The following ZDHHC2 variants were observed in gnomAD, a reference collection of about 807,000 sequenced individuals.
ZDHHC2 encodes zDHHC palmitoyltransferase 2, also known as palmitoyltransferase ZDHHC2.
Under a neutral mutation model 55.6 loss-of-function variants are expected in ZDHHC2, and 51 were observed. That is an observed-to-expected ratio of 0.92 (90% CI 0.73 to 1.16). ZDHHC2 has a LOEUF of 1.16. Ranked by LOEUF, ZDHHC2 falls within the 50% of genes most tolerant of loss-of-function variation. The pLI is 0.00. For synonymous variants in ZDHHC2, 199 were observed against 152.9 expected (o/e 1.30, Z -2.22); for missense variants, 491 against 442.4 (o/e 1.11, Z -0.99).
chr8:17,208,233 T>G, intron 8 of ZDHHC2, 141 bp downstream of exon 8: 1 of 794,794 alleles, frequency 1.3e-6, no homozygotes, highest in South Asian at 2.6e-5. Flanking sequence ...TTTTTTGATA[T>G]GTCGCTTAGA....
At chr8:17,171,176 G>A (rs1043689569) in intron 1 of ZDHHC2, among the ~76,000 whole-genome samples, 1 of 152,158 alleles carries the variant, frequency 6.6e-6, no homozygotes, top group Non-Finnish European at 1.5e-5. Context: ...AGTGGTTGTA[G>A]GAACTTGGAG....
intron 10 of ZDHHC2, among the ~76,000 whole-genome samples, chr8:17,212,775 C>G (rs574632636): frequency 6.6e-6 from 1 of 152,222 alleles, no homozygotes; most frequent in South Asian, 2.1e-4. Flanking sequence ...CTTAACAAGA[C>G]TGATCTGACC....
chr8:17,209,666 A>G (rs997152962), intron 8 of ZDHHC2, among the ~76,000 whole-genome samples: 1 of 152,142 alleles, frequency 6.6e-6, no homozygotes, highest in Non-Finnish European at 1.5e-5. Flanking sequence ...TTTATTTGCT[A>G]GTTTGTATTT....
intron 10 of ZDHHC2, among the ~76,000 whole-genome samples, chr8:17,214,178 G>C (rs1261982437): frequency 6.6e-6 from 1 of 152,186 alleles, no homozygotes; most frequent in East Asian, 1.9e-4. Context: ...TGTTTCCTAA[G>C]TGAAATATTT....
In ZDHHC2 at chr8:17,208,997, G is replaced by T. The variant is rs1282048008; in HGVS notation, c.730+905G>T. Among the ~76,000 whole-genome samples the T allele has an allele frequency of 3.3e-5, 5 of 152,186 alleles. No homozygotes were observed. The East Asian group carries it at 9.7e-4, about 29-fold the overall frequency. On this transcript the variant is annotated intron_variant, in intron 8 of 12. Transcript: ENST00000262096. ...TCATAGTGCCTAACTCTGCTGGTTA[G>T]ATTTTTCTTTTTAATGGAGAAAAAT... is the stretch of plus-strand genomic sequence containing the variant.
intron 3 of ZDHHC2, 67 bp from the exon 4 acceptor site, chr8:17,195,436 TG>T: frequency 6.6e-7 from 1 of 1,505,646 alleles, no homozygotes; most frequent in Non-Finnish European, 9.0e-7. Flanking sequence ...TTTCCGGGTA[TG>T]GTAGAGAAGA....
chr8:17,184,656 G>A, intron 1 of ZDHHC2, 133 bp from the exon 2 acceptor site: 2 of 758,624 alleles, frequency 2.6e-6, no homozygotes, highest in Non-Finnish European at 2.1e-6. Context: ...TCCAAATAAA[G>A]TTGAATAAAT....
At chr8:17,182,365 T>C (rs1805472265) in intron 1 of ZDHHC2, among the ~76,000 whole-genome samples, 1 of 152,148 alleles carries the variant, frequency 6.6e-6, no homozygotes, top group Admixed American at 6.5e-5. Flanking sequence ...AATGCCAAAC[T>C]GCACTAATAA....
chr8:17,174,404 T>C (rs1805022759), intron 1 of ZDHHC2, among the ~76,000 whole-genome samples: 2 of 152,226 alleles, frequency 1.3e-5, no homozygotes, highest in South Asian at 4.1e-4. Context: ...TGGAATGCGA[T>C]GAACACCTGA....
At position 17,156,689 on chromosome 8, in the gene ZDHHC2, G is replaced by A; in HGVS notation, c.-35G>A. On this transcript the variant is annotated 5_prime_UTR_variant, in exon 1 of 13. Transcript: ENST00000262096. ...CCGCCCCGGAGCCAGGCCCGCGGGC[G>A]GCGGCGGAGCTGGGCAGGTGGATGC... The A allele has an allele frequency of 6.2e-6, 8 of 1,292,508 alleles. No homozygotes were observed. Among genetic ancestry groups the A allele is most frequent in the Non-Finnish European group, 7.8e-6 (8 of 1,019,572 alleles). 80.1% of individuals were successfully genotyped at this position (1,292,508 alleles called of 1,614,324 possible). A position where few individuals can be genotyped will look rare whatever the true frequency, so the allele number is the denominator to read the frequency against.
Position 17,156,539 on chromosome 8 carries a change from G to T in ZDHHC2, c.-185G>T. 4.0e-6 allele frequency: 1 copy of T among 252,664 alleles called. No homozygotes were observed. The highest frequency in any genetic ancestry group is 6.3e-6 in the Non-Finnish European group (1 of 159,326). 15.7% of individuals were successfully genotyped at this position (252,664 alleles called of 1,614,324 possible). A position where few individuals can be genotyped will look rare whatever the true frequency, so the allele number is the denominator to read the frequency against. On this transcript the variant is annotated 5_prime_UTR_variant, in exon 1 of 13. Coordinates refer to ENST00000262096, the MANE Select transcript of ZDHHC2 (RefSeq NM_016353.5). ...CCGCCTCCGCCGGGCTGAGGAGCCGGGAGTCCGCCGCGCCGGCTCGGGGCT... is the reference window on the plus strand; with the variant it reads ...CCGCCTCCGCCGGGCTGAGGAGCCGTGAGTCCGCCGCGCCGGCTCGGGGCT...
rs1328159243 is a variant in ZDHHC2 at position 17,223,619 on chromosome 8, A to C, written c.*3398A>C. On this transcript the variant is annotated 3_prime_UTR_variant, in exon 13 of 13. Transcript: ENST00000262096. ...ACAAAGATACCATTAGAATTTTCTCACTGTCTTGGTAAAAATTCCTAGATT... is the reference window on the plus strand; with the variant it reads ...ACAAAGATACCATTAGAATTTTCTCCCTGTCTTGGTAAAAATTCCTAGATT... 6.6e-6 allele frequency: 1 copy of C among 151,532 alleles called. No individual in the cohort carries two copies. Among genetic ancestry groups the C allele is most frequent in the Non-Finnish European group, 1.5e-5 (1 of 67,724 alleles). 9.4% of individuals were successfully genotyped at this position (151,532 alleles called of 1,614,324 possible). A position where few individuals can be genotyped will look rare whatever the true frequency, so the allele number is the denominator to read the frequency against.
intron 12 of ZDHHC2, among the ~76,000 whole-genome samples, chr8:17,219,252 TAAAAAAAAAAAAAAA>T (rs71212684): frequency 2.0e-5 from 1 of 49,550 alleles, no homozygotes; most frequent in Non-Finnish European, 3.3e-5. Context: ...AGCAAGACTC[TAAAAAAAAAAAAAAA>T]AAAAAAAAAA....
intron 1 of ZDHHC2, among the ~76,000 whole-genome samples, chr8:17,184,467 T>G (rs150753055): frequency 2.5e-3 from 387 of 152,302 alleles, no homozygotes; most frequent in African/African-American, 8.7e-3. Flanking sequence ...TTATCTGAAC[T>G]CTATAGTTGG....
chr8:17,162,146 G>A (rs1804379207), intron 1 of ZDHHC2, among the ~76,000 whole-genome samples: 1 of 152,164 alleles, frequency 6.6e-6, no homozygotes, highest in African/African-American at 2.4e-5. Context: ...TCCATTTAGT[G>A]TGTCAGAGAC....
intron 1 of ZDHHC2, among the ~76,000 whole-genome samples, chr8:17,177,410 G>T (rs1005051404): frequency 6.6e-6 from 1 of 152,200 alleles, no homozygotes; most frequent in Non-Finnish European, 1.5e-5. Context: ...GTTGGGACAG[G>T]AGATGTTAAA....
Position 17,224,082 on chromosome 8 carries a change from T to TG in ZDHHC2, c.*3861_*3862insG, listed in dbSNP as rs776583409. ...TCTCCTTGAAATGTGAGCAAAGAAC[T>TG]ATGATGATGCAGTCCAGGTATCTAA... On this transcript the variant is annotated 3_prime_UTR_variant, in exon 13 of 13. Transcript: ENST00000262096. The TG allele has an allele frequency of 6.6e-6, 1 of 151,584 alleles. No homozygotes were observed. The highest frequency in any genetic ancestry group is 1.5e-5 in the Non-Finnish European group (1 of 67,686). The allele number at this position is 151,584 out of a possible 1,614,324, so 9.4% of individuals were successfully genotyped here. A position where few individuals can be genotyped will look rare whatever the true frequency, so the allele number is the denominator to read the frequency against.
intron 12 of ZDHHC2, among the ~76,000 whole-genome samples, chr8:17,217,919 G>A (rs1162486111): frequency 6.6e-6 from 1 of 152,088 alleles, no homozygotes; most frequent in Non-Finnish European, 1.5e-5. Context: ...ACAGTTTACC[G>A]AGCTGAATAT....
chr8:17,172,899 A>C (rs117319952), intron 1 of ZDHHC2, among the ~76,000 whole-genome samples: 1,790 of 152,288 alleles, frequency 0.012, 12 homozygotes, highest in Non-Finnish European at 0.02. Context: ...AAATTCTTGA[A>C]GTGGGATGGT....
Sources: gnomAD v4.1 joint callset for allele counts (sites outside exome capture counted in the v4.1 genomes callset) on GRCh38, gnomAD v4.1.1 for gene constraint, MANE v1.5 for transcripts, NCBI Gene and HGNC (gene_info 2026-07-23, HGNC 2026-07-21) for gene names.